The following EEA1 variants were observed in gnomAD, a reference collection of about 807,000 sequenced individuals.
The protein encoded by EEA1 is early endosome antigen 1, 162kD.
Under a neutral mutation model 209.2 loss-of-function variants are expected in EEA1, and 111 were observed. The ratio of observed to expected loss-of-function variants is 0.53; its 90% confidence interval spans 0.45 to 0.62. EEA1 has a LOEUF of 0.62. Ranked by LOEUF, EEA1 falls within the 20% of genes least tolerant of loss-of-function variation. The pLI is 0.00. For synonymous variants in EEA1, 536 were observed against 540.6 expected (o/e 0.99, Z 0.12); for missense variants, 1,343 against 1,530.8 (o/e 0.88, Z 2.05).
chr12:92,875,851 C>T (rs1878858093), intron 2 of EEA1, among the ~76,000 whole-genome samples: 1 of 152,132 alleles, frequency 6.6e-6, no homozygotes, highest in Non-Finnish European at 1.5e-5. Flanking sequence ...CAGGCATATT[C>T]CCACCTTAGA....
intron 9 of EEA1, among the ~76,000 whole-genome samples, chr12:92,848,612 T>TTAA (rs1217701351): frequency 6.6e-6 from 1 of 151,994 alleles, no homozygotes; most frequent in Non-Finnish European, 1.5e-5. Flanking sequence ...TAAGAATTTA[T>TTAA]TAGAGTAACT....
In EEA1 at chr12:92,782,510, G is replaced by A. The variant is rs540537779; in HGVS notation, c.3151-375C>T. On this transcript the variant is annotated intron_variant, in intron 22 of 28. Coordinates refer to ENST00000322349, the MANE Select transcript of EEA1 (RefSeq NM_003566.4). ...CTCAGAGAACATATATATGGTTAAA[G>A]TCATAAGGCAGTGTGAAAGAAAACA... Among the ~76,000 whole-genome samples the A allele has an allele frequency of 3.9e-5, 6 of 152,262 alleles. No homozygotes were observed. The South Asian group carries it at 6.2e-4, about 16-fold the overall frequency.
chr12:92,851,065 A>G (rs377760355), intron 9 of EEA1, 46 bp downstream of exon 9: 3 of 1,593,704 alleles, frequency 1.9e-6, no homozygotes, highest in Admixed American at 1.7e-5. Flanking sequence ...AGTATACACT[A>G]CACAAGCTAA....
intron 2 of EEA1, among the ~76,000 whole-genome samples, chr12:92,880,069 T>G (rs903591368): frequency 2.6e-5 from 4 of 152,248 alleles, no homozygotes; most frequent in African/African-American, 9.6e-5. Context: ...GTAATCTACA[T>G]GTAGCCATGC....
At chr12:92,796,464 T>G (rs570838685) in intron 21 of EEA1, among the ~76,000 whole-genome samples, 1 of 58,468 alleles carries the variant, frequency 1.7e-5, no homozygotes, top group South Asian at 5.3e-4. Context: ...ACTTTTTATT[T>G]ATATATATAT....
chr12:92,867,934 G>A (rs1565842459), intron 2 of EEA1, among the ~76,000 whole-genome samples: 1 of 152,158 alleles, frequency 6.6e-6, no homozygotes, highest in South Asian at 2.1e-4. Context: ...ACCTGGCAGA[G>A]AGAAAAGCAT....
intron 5 of EEA1, among the ~76,000 whole-genome samples, chr12:92,854,789 A>G (rs1479532868): frequency 6.6e-6 from 1 of 152,230 alleles, no homozygotes; most frequent in Non-Finnish European, 1.5e-5. Context: ...GAGACTGCTC[A>G]TAAAAAAAGG....
At chr12:92,777,248 C>T (rs1183540472) in intron 27 of EEA1, among the ~76,000 whole-genome samples, 6 of 151,842 alleles carry the variant, frequency 4.0e-5, no homozygotes, top group East Asian at 1.9e-4. Context: ...ATACTCAGAT[C>T]GCTTCTTTAA....
Position 92,770,889 on chromosome 12 carries a change from G to A in EEA1, c.*5122C>T, listed in dbSNP as rs978142230. 1.3e-4 allele frequency: 20 copies of A among 152,014 alleles called. No homozygotes were observed. The highest frequency in any genetic ancestry group is 4.6e-4 in the African/African-American group (19 of 41,412). 9.4% of individuals were successfully genotyped at this position (152,014 alleles called of 1,614,324 possible). A position where few individuals can be genotyped will look rare whatever the true frequency, so the allele number is the denominator to read the frequency against. On this transcript the variant is annotated 3_prime_UTR_variant, in exon 29 of 29. Transcript: ENST00000322349. ...ACTTTTGCATGGCTTTTCTTGGCCT[G>A]TTGTGAAGTGTACAGATTTTCATAG...
chr12:92,835,574 G>C (rs1377285354), intron 10 of EEA1: 2 of 188,730 alleles, frequency 1.1e-5, no homozygotes, highest in South Asian at 1.4e-4. Context: ...ACCATGCCCA[G>C]CTAATTTTTT....
Position 92,912,258 on chromosome 12 carries a change from G to A in EEA1, c.24+16785C>T, listed in dbSNP as rs564633607. 5.3e-5 allele frequency among the ~76,000 whole-genome samples: 8 copies of A among 152,216 alleles called. No individual in the cohort carries two copies. The East Asian group carries it at 1.2e-3, about 22-fold the overall frequency. On this transcript the variant is annotated intron_variant, in intron 1 of 28. Coordinates refer to ENST00000322349, the MANE Select transcript of EEA1 (RefSeq NM_003566.4). ...AACAAAGTGGTGTCAGTGGTAGTTT[G>A]TTATGGTAATTACCATCAATGAATC...
rs538691603 is a variant in EEA1, at chr12:92,816,130, T to C, written c.1929+70A>G. On this transcript the variant is annotated intron_variant, in intron 15 of 28. Coordinates refer to ENST00000322349, the MANE Select transcript of EEA1 (RefSeq NM_003566.4). ...AATTAATATGCAAGGTAAAAAGAGA[T>C]AGAAACAGAATTTAAAACATTTGAC... The C allele has an allele frequency of 1.5e-5, 21 of 1,381,704 alleles. No homozygotes were observed. The Admixed American group carries it at 2.0e-4, about 13-fold the overall frequency. 85.6% of individuals were successfully genotyped at this position (1,381,704 alleles called of 1,614,324 possible).
At chr12:92,828,678 A>C (rs994770154) in intron 11 of EEA1, among the ~76,000 whole-genome samples, 53 of 151,670 alleles carry the variant, frequency 3.5e-4, no homozygotes, top group African/African-American at 6.5e-4. Context: ...ACCCAATTAA[A>C]ACTAAGGGAG....
chr12:92,899,479 G>A (rs2136763986), intron 1 of EEA1, among the ~76,000 whole-genome samples: 1 of 152,338 alleles, frequency 6.6e-6, no homozygotes, highest in East Asian at 1.9e-4. Flanking sequence ...CAAAGCTTGT[G>A]AAATAATCAA....
chr12:92,794,744 T>TGGGGGGGGGGGGGGGGGGGGGGGG (rs1874579356), intron 21 of EEA1, among the ~76,000 whole-genome samples: 1 of 108,362 alleles, frequency 9.2e-6, no homozygotes, highest in Non-Finnish European at 2.0e-5. Flanking sequence ...GGTGGGGGGC[T>TGGGGGGGGGGGGGGGGGGGGGGGG]GGGGGAGGGA....
Position 92,799,046 on chromosome 12 carries a change from T to A in EEA1, c.2813A>T (p.Glu938Val). 1 of 1,606,770 alleles carries A rather than the reference T, an allele frequency of 6.2e-7. No individual in the cohort carries two copies. Among genetic ancestry groups the A allele is most frequent in the Non-Finnish European group, 8.5e-7 (1 of 1,178,006 alleles). ...AGTATTCTGGGCCTGTATAAGTTGT[T>A]CCTGCATTGAATTGAGTTCCAATTT... ...QLKLELNSMQ[E>V]QLIQAQNTLK... Residue 938 changes from glutamate to valine, a missense_variant, in exon 21 of 29, where the codon GAA (glutamate) becomes GTA (valine). Around this residue, in one of 3 missense-constraint regions of EEA1, gnomAD observed 1,307 missense variants for 1,465.5 expected, o/e 0.89. Coordinates refer to ENST00000322349, the MANE Select transcript of EEA1 (RefSeq NM_003566.4).
intron 3 of EEA1, among the ~76,000 whole-genome samples, chr12:92,862,993 G>A (rs901623345): frequency 6.6e-6 from 1 of 152,210 alleles, no homozygotes; most frequent in African/African-American, 2.4e-5. Flanking sequence ...TACCTAATAG[G>A]CAAGTTGGGA....
At chr12:92,816,086 C>T in intron 15 of EEA1, 114 bp downstream of exon 15, 2 of 943,578 alleles carry the variant, frequency 2.1e-6, no homozygotes, top group Non-Finnish European at 3.1e-6. Context: ...TTATCTAATT[C>T]TTATTTCAAA....
At chr12:92,791,493 C>G (rs889056621) in intron 21 of EEA1, among the ~76,000 whole-genome samples, 3 of 152,144 alleles carry the variant, frequency 2.0e-5, no homozygotes, top group East Asian at 1.9e-4. Context: ...TGATAAAACA[C>G]ACTTTAAACC....
Sources: allele counts gnomAD v4.1 joint callset (sites outside exome capture counted in the v4.1 genomes callset), GRCh38; gene constraint gnomAD v4.1.1; regional missense constraint gnomAD v4.1.1; transcripts MANE v1.5; gene names NCBI Gene and HGNC (gene_info 2026-07-23, HGNC 2026-07-21).